DNAH5: variants seen among roughly 807,000 people sequenced by gnomAD.
DNAH5 encodes the protein axonemal beta dynein heavy chain 5.
A neutral mutation model predicts 518.2 loss-of-function variants in DNAH5; 372 were observed. The observed-to-expected ratio is 0.72, with a 90% CI of 0.66 to 0.78. DNAH5 has a LOEUF of 0.78. Ranked by LOEUF, DNAH5 falls within the 30% of genes least tolerant of loss-of-function variation. The pLI, the probability that DNAH5 is intolerant of heterozygous loss-of-function variation, is 0.00. For missense variants in DNAH5, 5,523 were observed against 5,687.0 expected, an observed-to-expected ratio of 0.97 and a Z score of 0.93; for synonymous variants, 2,039 against 2,025.9, an observed-to-expected ratio of 1.01 and a Z score of -0.17.
At chr5:13,942,646 C>G (rs547801385) in intron 1 of DNAH5, among the ~76,000 whole-genome samples, 2 of 152,170 alleles carry the variant, frequency 1.3e-5, no homozygotes, top group African/African-American at 4.8e-5. Flanking sequence ...CCATCCCCCA[C>G]GTGCTGTCTC....
At chr5:14,007,343 C>A (rs1784790855) in intron 1 of DNAH5, among the ~76,000 whole-genome samples, 2 of 152,134 alleles carry the variant, frequency 1.3e-5, no homozygotes, top group Admixed American at 1.3e-4. Flanking sequence ...AAGAGTATGA[C>A]TTTGTTTTTT....
At chr5:13,753,645 C>A in intron 62 of DNAH5, 96 bp from the exon 63 acceptor site, 4 of 1,133,284 alleles carry the variant, frequency 3.5e-6, no homozygotes, top group African/African-American at 1.6e-5. Context: ...GACAATAATT[C>A]TTTTAAACTA....
intron 16 of DNAH5, among the ~76,000 whole-genome samples, chr5:13,892,608 C>T (rs548036522): frequency 6.6e-6 from 1 of 152,292 alleles, no homozygotes; most frequent in East Asian, 1.9e-4. Flanking sequence ...TCTCTAGAAA[C>T]TAGTTCCTTG....
rs548205534 is a variant in DNAH5, at chr5:13,713,442, T to TATAC, written c.13125+962_13125+963insGTAT. ...ATATATATATACATCGACATATATA[T>TATAC]ATATATATATATATATATATATATA... On this transcript the variant is annotated intron_variant, in intron 75 of 78. Transcript: ENST00000265104. Among the ~76,000 whole-genome samples, 836 of 123,162 alleles carry TATAC rather than the reference T, an allele frequency of 6.8e-3. 23 individuals are homozygous for TATAC. Among genetic ancestry groups the TATAC allele is most frequent in the Non-Finnish European group, 9.3e-3 (582 of 62,274 alleles). 80.8% of individuals were successfully genotyped at this position (123,162 alleles called of 152,430 possible).
intron 25 of DNAH5, 62 bp from the exon 26 acceptor site, chr5:13,866,344 C>A: frequency 1.5e-6 from 2 of 1,317,586 alleles, no homozygotes; most frequent in South Asian, 2.6e-5. Flanking sequence ...TTCATGAACT[C>A]AATCCATATT....
chr5:13,875,661 T>C (rs1275544224), intron 22 of DNAH5, among the ~76,000 whole-genome samples: 1 of 152,168 alleles, frequency 6.6e-6, no homozygotes, highest in Non-Finnish European at 1.5e-5. Flanking sequence ...TGAATGTTTA[T>C]TGTTATCATG....
chr5:13,947,945 A>G (rs148546990), upstream of DNAH5, among the ~76,000 whole-genome samples: 508 of 152,328 alleles, frequency 3.3e-3, 3 homozygotes, highest in South Asian at 0.031. Flanking sequence ...ATTTCATCTT[A>G]TATTCAATGC....
intron 21 of DNAH5, among the ~76,000 whole-genome samples, chr5:13,881,245 A>G (rs1771639880): frequency 6.6e-6 from 1 of 152,012 alleles, no homozygotes; most frequent in Admixed American, 6.5e-5. Flanking sequence ...CAGATCATCT[A>G]AACAGAAAAT....
In DNAH5 at chr5:13,876,802, G is replaced by A. The variant is rs755355482; in HGVS notation, c.3278C>T (p.Ala1093Val). 8 of 1,613,512 alleles carry A rather than the reference G, an allele frequency of 5.0e-6. No individual in the cohort carries two copies. The highest frequency in any genetic ancestry group is 6.8e-6 in the Non-Finnish European group (8 of 1,179,726). Residue 1093 changes from alanine (A) to valine (V), a missense_variant, in exon 22 of 79, where the codon GCA becomes GTA. Physicochemically the swap from Ala to Val is moderately conservative, Grantham distance 64. This residue lies in a region of DNAH5 where 5,121 missense variants were observed against 5,223.3 expected (regional missense o/e 0.98). Transcript: ENST00000265104. ...ENELQDTLEIASVNLPIPVQT... is the reference protein window; with the variant it reads ...ENELQDTLEIVSVNLPIPVQT... Reference sequence around the variant, plus strand: ...CACGGGAATGGGTAAATTTACAGATGCTATCTCCAAGGTATCTAAAAAGAA... The same window carrying A: ...CACGGGAATGGGTAAATTTACAGATACTATCTCCAAGGTATCTAAAAAGAA...
At chr5:13,822,644 A>G (rs1287535869) in intron 40 of DNAH5, among the ~76,000 whole-genome samples, 1 of 152,016 alleles carries the variant, frequency 6.6e-6, no homozygotes, top group Admixed American at 6.6e-5. Context: ...TTTTTTCCAA[A>G]CTCTTCTTCA....
At chr5:13,903,478 A>C (rs1346089083) in intron 12 of DNAH5, among the ~76,000 whole-genome samples, 1 of 152,082 alleles carries the variant, frequency 6.6e-6, no homozygotes, top group African/African-American at 2.4e-5. Flanking sequence ...GAAGCACATC[A>C]AATTCTGAAC....
intron 50 of DNAH5, among the ~76,000 whole-genome samples, chr5:13,791,335 C>T (rs1056009408): frequency 7.2e-5 from 11 of 152,142 alleles, no homozygotes; most frequent in South Asian, 2.1e-4. Context: ...ACATAGGCTA[C>T]GCTTTGGAAC....
Position 13,820,396 on chromosome 5 carries a change from C to A in DNAH5, c.6791G>T (p.Ser2264Ile). 2 of 1,612,064 alleles carry A rather than the reference C, an allele frequency of 1.2e-6. No individual in the cohort carries two copies. Among genetic ancestry groups the A allele is most frequent in the Non-Finnish European group, 1.7e-6 (2 of 1,179,452 alleles). The change falls in exon 41 of 79, where the codon AGT becomes ATT. Residue 2264 changes from serine (S) to isoleucine (I), a missense_variant. Physicochemically the swap from Ser to Ile is moderately radical, Grantham distance 142. Transcript: ENST00000265104. Reference sequence around the variant, plus strand: ...GATGCAGGTGGTCTTCCCAGCCCCACTGGGCCCCAGAGTCATCATCCCATG... The same window carrying A: ...GATGCAGGTGGTCTTCCCAGCCCCAATGGGCCCCAGAGTCATCATCCCATG... ...VRHGMMTLGPSGAGKTTCIHT... is the reference protein window; with the variant it reads ...VRHGMMTLGPIGAGKTTCIHT...
intron 63 of DNAH5, among the ~76,000 whole-genome samples, chr5:13,752,964 G>A (rs775544338): frequency 9.2e-5 from 14 of 152,172 alleles, no homozygotes; most frequent in South Asian, 2.1e-4. Context: ...CAGCTCTGCC[G>A]TTCTGTACTT....
intron 47 of DNAH5, among the ~76,000 whole-genome samples, chr5:13,804,428 G>A (rs6863284): frequency 0.033 from 4,986 of 152,322 alleles, 291 homozygotes; most frequent in African/African-American, 0.11. Context: ...TACAATTTCA[G>A]TTTGGTTGGG....
chr5:13,888,710 T>C (rs1244966666), intron 17 of DNAH5, among the ~76,000 whole-genome samples: 1 of 152,240 alleles, frequency 6.6e-6, no homozygotes, highest in Non-Finnish European at 1.5e-5. Context: ...GCTGGTGGCA[T>C]TGTAAGCTGA....
chr5:13,913,699 T>C (rs961336535), intron 11 of DNAH5, 44 bp downstream of exon 11: 1 of 1,606,692 alleles, frequency 6.2e-7, no homozygotes, highest in Admixed American at 1.7e-5. Flanking sequence ...TATTGAAGTT[T>C]AGTTGTGGAT....
At position 13,810,275 on chromosome 5, in the gene DNAH5, C is replaced by A; in HGVS notation, c.7408-15G>T. On this transcript the variant is annotated splice_polypyrimidine_tract_variant and intron_variant, in intron 44 of 78. Coordinates refer to ENST00000265104, the MANE Select transcript of DNAH5 (RefSeq NM_001369.3). ...CCGCCTTGCTCCTGAGAAGGAAAGA[C>A]ACTTTTTTTTAATAACTTGATTCTG... The A allele has an allele frequency of 6.5e-7, 1 of 1,549,090 alleles. No individual in the cohort carries two copies. Among genetic ancestry groups the A allele is most frequent in the Non-Finnish European group, 8.7e-7 (1 of 1,145,820 alleles).
chr5:13,953,852 C>T (rs1453913674), intron 1 of DNAH5, among the ~76,000 whole-genome samples: 2 of 152,068 alleles, frequency 1.3e-5, no homozygotes, highest in South Asian at 2.1e-4. Context: ...GGATTACAGG[C>T]GCCTGCCACC....
Sources: allele counts gnomAD v4.1 joint callset (sites outside exome capture counted in the v4.1 genomes callset), GRCh38; gene constraint gnomAD v4.1.1; regional missense constraint gnomAD v4.1.1; transcripts MANE v1.5; gene names NCBI Gene and HGNC (gene_info 2026-07-23, HGNC 2026-07-21).